DNAH7: variants seen among roughly 807,000 people sequenced by gnomAD.
The protein encoded by DNAH7 is dynein axonemal heavy chain 7, also known as axonemal beta dynein heavy chain 7.
A neutral mutation model predicts 444.6 loss-of-function variants in DNAH7; 397 were observed. The observed-to-expected ratio is 0.89, with a 90% CI of 0.82 to 0.97. DNAH7 has a LOEUF of 0.97. DNAH7 is among the 50% of genes least tolerant of loss of function. The probability of loss-of-function intolerance (pLI) is 0.00; values close to 1 mark genes in which losing one functional copy is unlikely to be tolerated. For synonymous variants in DNAH7, 1,636 were observed against 1,624.4 expected, an observed-to-expected ratio of 1.01 and a Z score of -0.17; for missense variants, 4,902 against 4,800.8, an observed-to-expected ratio of 1.02 and a Z score of -0.62.
Position 195,876,527 on chromosome 2 carries a change from G to C in DNAH7, c.6117+17C>G, listed in dbSNP as rs373832851. The C allele has an allele frequency of 1.0e-4, 161 of 1,612,610 alleles. No individual in the cohort carries two copies. Among genetic ancestry groups the C allele is most frequent in the Non-Finnish European group, 1.3e-4 (153 of 1,179,194 alleles). On this transcript the variant is annotated intron_variant, in intron 37 of 64. Coordinates refer to ENST00000312428, the MANE Select transcript of DNAH7 (RefSeq NM_018897.3). Reference sequence around the variant, plus strand: ...ATGTATATGAATAGGCCCGGGTACTGTACAAAGAGTCATTACCATTCTCTT... The same window carrying C: ...ATGTATATGAATAGGCCCGGGTACTCTACAAAGAGTCATTACCATTCTCTT...
At chr2:196,030,342 C>G (rs187996850) in intron 5 of DNAH7, among the ~76,000 whole-genome samples, 270 of 152,256 alleles carry the variant, frequency 1.8e-3, no homozygotes, top group Non-Finnish European at 3.1e-3. Flanking sequence ...GGGTCCCTCC[C>G]ACAACATGTG....
At chr2:195,921,031 G>A (rs903396172) in intron 24 of DNAH7, among the ~76,000 whole-genome samples, 1 of 152,142 alleles carries the variant, frequency 6.6e-6, no homozygotes, top group Non-Finnish European at 1.5e-5. Context: ...CTTTATTCCT[G>A]AAGAATGGTC....
intron 10 of DNAH7, among the ~76,000 whole-genome samples, chr2:196,011,922 T>A (rs190829613): frequency 6.6e-6 from 1 of 152,288 alleles, no homozygotes; most frequent in African/African-American, 2.4e-5. Flanking sequence ...TTCTCTGTAA[T>A]TAATTATGGG....
rs2125510958 is a variant in DNAH7, at chr2:195,957,219, C to A, written c.3078+42G>T. 4 of 1,416,442 alleles carry A rather than the reference C, an allele frequency of 2.8e-6. No homozygotes were observed. In the East Asian group the frequency reaches 1.0e-4, roughly 36 times the overall value. 87.7% of individuals were successfully genotyped at this position (1,416,442 alleles called of 1,614,324 possible). The stretch of plus-strand genomic sequence containing the variant: ...ATTTCTGAAAACAAAAATCATGTCA[C>A]TTCAACCAAATAATGACATTTTTGG... On this transcript the variant is annotated intron_variant, in intron 19 of 64. Transcript: ENST00000312428.
chr2:196,030,619 G>C (rs571028743), intron 5 of DNAH7, among the ~76,000 whole-genome samples: 1 of 152,196 alleles, frequency 6.6e-6, no homozygotes, highest in African/African-American at 2.4e-5. Context: ...TATAATGGGG[G>C]TACAGGTATT....
intron 40 of DNAH7, among the ~76,000 whole-genome samples, chr2:195,869,298 G>A (rs757562946): frequency 8.6e-5 from 13 of 151,586 alleles, no homozygotes; most frequent in African/African-American, 2.9e-4. Flanking sequence ...GGAGTTTCTC[G>A]GGGGATCCCT....
chr2:195,822,961 ATTAAT>A (rs896993287), intron 49 of DNAH7, among the ~76,000 whole-genome samples: 1 of 152,200 alleles, frequency 6.6e-6, no homozygotes, highest in Non-Finnish European at 1.5e-5. Flanking sequence ...TCTTATGCAG[ATTAAT>A]TTATTTAATT....
chr2:195,804,834 ATATC>A lies in DNAH7; in HGVS notation c.10176+1902_10176+1905del, dbSNP rs377734504. Among the ~76,000 whole-genome samples, 178 of 150,122 alleles carry A rather than the reference ATATC, an allele frequency of 1.2e-3. 2 individuals carry two copies. Among genetic ancestry groups the A allele is most frequent in the African/African-American group, 4.1e-3 (167 of 40,578 alleles). Reference sequence around the variant, plus strand: ...AATACTGATGAGTAGTATTGTCCACATATCTATCTATCTATCCAAGTAAAATGGG... The same window carrying A: ...AATACTGATGAGTAGTATTGTCCACATATCTATCTATCCAAGTAAAATGGG... On this transcript the variant is annotated intron_variant, in intron 54 of 64. Coordinates refer to ENST00000312428, the MANE Select transcript of DNAH7 (RefSeq NM_018897.3).
chr2:195,979,724 A>G (rs148558387), intron 15 of DNAH7, among the ~76,000 whole-genome samples: 1,843 of 152,222 alleles, frequency 0.012, 85 homozygotes, highest in Admixed American at 0.079. Context: ...CTTTAGCCAG[A>G]CTAAGAAAAA....
At chr2:195,796,795 T>C (rs946599377) in intron 55 of DNAH7, 58 bp from the exon 56 acceptor site, 9 of 1,535,624 alleles carry the variant, frequency 5.9e-6, no homozygotes, top group Non-Finnish European at 7.9e-6. Flanking sequence ...AACATCAATA[T>C]TGTTTTTTTA....
At chr2:196,001,646 T>C (rs1363298486) in intron 11 of DNAH7, 29 bp downstream of exon 11, 23 of 1,453,312 alleles carry the variant, frequency 1.6e-5, no homozygotes, top group Non-Finnish European at 2.0e-5. Flanking sequence ...AATTTGTAAA[T>C]ACATATTGGT....
chr2:195,926,623 G>C, intron 21 of DNAH7, 57 bp from the exon 22 acceptor site: 1 of 1,468,928 alleles, frequency 6.8e-7, no homozygotes, highest in South Asian at 1.4e-5. Context: ...TTATACAATT[G>C]AGAGCTAAAC....
chr2:195,738,187 T>C, intron 64 of DNAH7, 60 bp from the exon 65 acceptor site: 2 of 1,441,746 alleles, frequency 1.4e-6, no homozygotes, highest in Admixed American at 1.8e-5. Flanking sequence ...GTACATGTGT[T>C]TGAGCCTACT....
chr2:196,021,759 C>T (rs1387189744), intron 8 of DNAH7, among the ~76,000 whole-genome samples: 2 of 152,168 alleles, frequency 1.3e-5, no homozygotes, highest in East Asian at 3.9e-4. Flanking sequence ...GAGGTTAAGG[C>T]TGTACTGAAC....
chr2:195,775,741 C>T, intron 60 of DNAH7, 105 bp downstream of exon 60: 1 of 1,256,514 alleles, frequency 8.0e-7, no homozygotes, highest in Non-Finnish European at 1.1e-6. Context: ...AAATGTTTCT[C>T]CACTTGAACA....
In DNAH7 at chr2:195,884,607, T is replaced by C. The variant is rs201199481; in HGVS notation, c.5741A>G (p.Tyr1914Cys). The change falls in exon 35 of 65, where the codon TAT (tyrosine) becomes TGT (cysteine). Residue 1914 changes from tyrosine to cysteine, a missense_variant. Physicochemically the swap from Tyr to Cys is radical, Grantham distance 194. Coordinates refer to ENST00000312428, the MANE Select transcript of DNAH7 (RefSeq NM_018897.3). ...TACCTCAGTGACAAATTGATAATCA[T>C]AAATTGTTCCTTTTTCAGGAAATGG... The part of the protein sequence containing the change: ...TVPFPEKGTI[Y>C]DYQFVTEGIG... 1 of 1,613,978 alleles carries C rather than the reference T, an allele frequency of 6.2e-7. No individual in the cohort carries two copies. Among genetic ancestry groups the C allele is most frequent in the African/African-American group, 1.3e-5 (1 of 75,050 alleles).
At position 195,884,595 on chromosome 2, in the gene DNAH7, A is replaced by T; in HGVS notation, c.5753T>A (p.Phe1918Tyr). ...PEKGTIYDYQFVTEGIGKWEP... is the reference protein window; with the variant it reads ...PEKGTIYDYQYVTEGIGKWEP... Reference sequence around the variant, plus strand: ...CTTCAGAACTCTTACCTCAGTGACAAATTGATAATCATAAATTGTTCCTTT... The same window carrying T: ...CTTCAGAACTCTTACCTCAGTGACATATTGATAATCATAAATTGTTCCTTT... Residue 1918 changes from phenylalanine to tyrosine, a missense_variant, in exon 35 of 65, where the codon TTT (phenylalanine) becomes TAT (tyrosine). By Grantham distance (22) the Phe-to-Tyr change is conservative. Transcript: ENST00000312428. 6.2e-7 allele frequency: 1 copy of T among 1,613,732 alleles called. No individual in the cohort carries two copies. The highest frequency in any genetic ancestry group is 1.1e-5 in the South Asian group (1 of 91,026).
chr2:195,875,624 A>AT (rs781619729), intron 38 of DNAH7, 51 bp downstream of exon 38: 1 of 1,500,552 alleles, frequency 6.7e-7, no homozygotes, highest in South Asian at 1.3e-5. Flanking sequence ...TTCTTTAGCT[A>AT]TTGCTAGGGA....
chr2:195,823,854 G>A (rs1201766602), intron 49 of DNAH7, among the ~76,000 whole-genome samples: 1 of 152,126 alleles, frequency 6.6e-6, no homozygotes, highest in Non-Finnish European at 1.5e-5. Flanking sequence ...GTTCTTTTAA[G>A]TAATTACATA....
Sources: allele counts gnomAD v4.1 joint callset (sites outside exome capture counted in the v4.1 genomes callset), GRCh38; gene constraint gnomAD v4.1.1; transcripts MANE v1.5; gene names NCBI Gene and HGNC (gene_info 2026-07-23, HGNC 2026-07-21).